Variants in ACAD9 observed in about 807,000 individuals in gnomAD.
ACAD9 encodes the protein acyl-CoA dehydrogenase family member 9.
Under a neutral mutation model 70.2 loss-of-function variants are expected in ACAD9, and 53 were observed. That is an observed-to-expected ratio of 0.75 (90% CI 0.61 to 0.95). The LOEUF is 0.95. ACAD9 is among the 40% of genes least tolerant of loss of function. The pLI is 0.00. For synonymous variants in ACAD9, 313 were observed against 312.1 expected, an observed-to-expected ratio of 1.00 and a Z score of -0.03; for missense variants, 777 against 802.8, an observed-to-expected ratio of 0.97 and a Z score of 0.39.
At chr3:128,904,036 A>G in intron 9 of ACAD9, 26 bp from the exon 10 acceptor site, 1 of 1,611,660 alleles carries the variant, frequency 6.2e-7, no homozygotes, top group Non-Finnish European at 8.5e-7. Flanking sequence ...ATTCCAGTTC[A>G]TTCTAATAAC....
chr3:128,880,135 C>A, intron 1 of ACAD9: 2 of 901,660 alleles, frequency 2.2e-6, no homozygotes, highest in Non-Finnish European at 3.2e-6. Flanking sequence ...CAGCCTTCAT[C>A]TCAGCTGGTC....
At chr3:128,880,442 G>A (rs984851194) in intron 1 of ACAD9, among the ~76,000 whole-genome samples, 3 of 152,084 alleles carry the variant, frequency 2.0e-5, no homozygotes, top group Non-Finnish European at 4.4e-5. Flanking sequence ...ACAGAGTCGC[G>A]CTCTTGTCGC....
In ACAD9 at chr3:128,899,270, C is replaced by T. The variant is rs1453987910; in HGVS notation, c.634-17C>T. 6.2e-7 allele frequency: 1 copy of T among 1,613,962 alleles called. No homozygotes were observed. The highest frequency in any genetic ancestry group is 8.5e-7 in the Non-Finnish European group (1 of 1,179,918). On this transcript the variant is annotated splice_polypyrimidine_tract_variant and intron_variant, in intron 6 of 17. Coordinates refer to ENST00000308982, the MANE Select transcript of ACAD9 (RefSeq NM_014049.5). ...TAGGGGTTTGGTTTTCTCCAAAGTC[C>T]ATCTTTCTGTCCTCAGGTCTGGATT...
intron 2 of ACAD9, among the ~76,000 whole-genome samples, chr3:128,891,658 A>G (rs1245243762): frequency 6.6e-6 from 1 of 152,204 alleles, no homozygotes; most frequent in Non-Finnish European, 1.5e-5. Context: ...TTTCATCAGA[A>G]CAGGTTTCTG....
At chr3:128,899,536 G>A in intron 7 of ACAD9, 75 bp downstream of exon 7, 1 of 1,291,056 alleles carries the variant, frequency 7.7e-7, no homozygotes, top group Non-Finnish European at 1.1e-6. Context: ...GTGTGTGTGT[G>A]TGTGTGTGTG....
At chr3:128,908,526 C>CAGCT in intron 13 of ACAD9, 1 of 587,488 alleles carries the variant, frequency 1.7e-6, no homozygotes, top group East Asian at 2.9e-5. Flanking sequence ...ACACTAGAGG[C>CAGCT]AGCTGGTTTT....
chr3:128,912,097 G>A (rs1396759982), intron 17 of ACAD9, among the ~76,000 whole-genome samples: 1 of 152,208 alleles, frequency 6.6e-6, no homozygotes, highest in Non-Finnish European at 1.5e-5. Context: ...CCAGCACTGT[G>A]GCACTTGCTG....
Position 128,904,432 on chromosome 3 carries a change from T to C in ACAD9, c.1076T>C (p.Met359Thr). The C allele has an allele frequency of 6.2e-7, 1 of 1,614,222 alleles. No homozygotes were observed. The highest frequency in any genetic ancestry group is 8.5e-7 in the Non-Finnish European group (1 of 1,180,050). ...MAQKAYVMES[M>T]TYLTAGMLDQ... The stretch of plus-strand genomic sequence containing the variant: ...CAGAAGGCTTACGTCATGGAGAGTA[T>C]GACCTACCTCACAGCAGGGATGCTG... The change falls in exon 11 of 18, where the codon ATG becomes ACG. Residue 359 changes from methionine (M) to threonine (T), a missense_variant. Coordinates refer to ENST00000308982, the MANE Select transcript of ACAD9 (RefSeq NM_014049.5).
intron 13 of ACAD9, 140 bp downstream of exon 13, chr3:128,908,404 C>T (rs1225197876): frequency 3.9e-6 from 4 of 1,031,716 alleles, no homozygotes; most frequent in Non-Finnish European, 5.9e-6. Flanking sequence ...AGGGGACCTT[C>T]CCCTGTGGTA....
chr3:128,903,733 TG>T (rs1176931868), intron 9 of ACAD9, among the ~76,000 whole-genome samples: 2 of 152,168 alleles, frequency 1.3e-5, no homozygotes, highest in Non-Finnish European at 2.9e-5. Flanking sequence ...CCCTTCCACC[TG>T]GTTGCATCTT....
chr3:128,912,859 G>T lies in ACAD9; in HGVS notation c.*252G>T, dbSNP rs1394599929. On this transcript the variant is annotated 3_prime_UTR_variant, in exon 18 of 18. Coordinates refer to ENST00000308982, the MANE Select transcript of ACAD9 (RefSeq NM_014049.5). ...GAGAGAATGGAATTGCTGACCCCTGGAACTGGCGGGTATTCTGGTCATTGA... is the reference window on the plus strand; with the variant it reads ...GAGAGAATGGAATTGCTGACCCCTGTAACTGGCGGGTATTCTGGTCATTGA... 3.1e-6 allele frequency: 2 copies of T among 646,862 alleles called. No homozygotes were observed. Among genetic ancestry groups the T allele is most frequent in the African/African-American group, 3.6e-5 (2 of 56,148 alleles). The allele number at this position is 646,862 out of a possible 1,614,324, so 40.1% of individuals were successfully genotyped here.
intron 1 of ACAD9, chr3:128,880,206 C>G (rs1935046974): frequency 2.4e-6 from 1 of 416,516 alleles, no homozygotes; most frequent in Non-Finnish European, 4.3e-6. Flanking sequence ...CATGTCCCTC[C>G]TCAGTCACCT....
At position 128,909,409 on chromosome 3, in the gene ACAD9, C is replaced by T. The variant is rs751618594; in HGVS notation, c.1551C>T (p.Leu517=). The change falls in exon 15 of 18, where the codon CTC becomes CTT. Residue 517 remains leucine, a synonymous_variant. Coordinates refer to ENST00000308982, the MANE Select transcript of ACAD9 (RefSeq NM_014049.5). The stretch of plus-strand genomic sequence containing the variant: ...GCCGGACCGTGGAGACACTGCTGCT[C>T]CGCTTTGGCAAGGTAACCAGGCCCT... ...CFGRTVETLL[L]RFGKTIMEEQ... 28 of 1,614,014 alleles carry T rather than the reference C, an allele frequency of 1.7e-5. No individual in the cohort carries two copies. Among genetic ancestry groups the T allele is most frequent in the Middle Eastern group, 1.7e-4 (1 of 6,040 alleles).
chr3:128,893,688 T>C lies in ACAD9; in HGVS notation c.346+32T>C, dbSNP rs1308067388. ...CAAGCAAACAAGCACCCAGCCAGTT[T>C]AGCTCTTAAGAAAGCACTCTGTATT... On this transcript the variant is annotated intron_variant, in intron 3 of 17. Coordinates refer to ENST00000308982, the MANE Select transcript of ACAD9 (RefSeq NM_014049.5). The C allele has an allele frequency of 1.0e-5, 16 of 1,577,682 alleles. No homozygotes were observed. In the South Asian group the frequency reaches 1.4e-4, roughly 14 times the overall value.
chr3:128,908,397 G>A (rs1576348282), intron 13 of ACAD9, 133 bp downstream of exon 13: 2 of 1,117,472 alleles, frequency 1.8e-6, no homozygotes, highest in Non-Finnish European at 2.7e-6. Flanking sequence ...CTTGTGGAGG[G>A]GACCTTCCCC....
At chr3:128,885,821 A>G (rs1935227334) in intron 2 of ACAD9, among the ~76,000 whole-genome samples, 1 of 152,258 alleles carries the variant, frequency 6.6e-6, no homozygotes, top group Admixed American at 6.5e-5. Context: ...GTTCAAGACC[A>G]GCGTAGCCAA....
intron 6 of ACAD9, among the ~76,000 whole-genome samples, chr3:128,897,998 A>G (rs773967353): frequency 1.3e-5 from 2 of 152,008 alleles, no homozygotes; most frequent in Non-Finnish European, 2.9e-5. Flanking sequence ...CTGGGATTAG[A>G]GGTGCGTGTC....
At position 128,900,268 on chromosome 3, in the gene ACAD9, C is replaced by T. The variant is rs562194086; in HGVS notation, c.808+807C>T. ...GTTTGTTTTTTTTGAGACGGAGTCT[C>T]GCTCTGTCGCCCAGGCTGGAGTGCA... On this transcript the variant is annotated intron_variant, in intron 7 of 17. Coordinates refer to ENST00000308982, the MANE Select transcript of ACAD9 (RefSeq NM_014049.5). 7.8e-4 allele frequency among the ~76,000 whole-genome samples: 118 copies of T among 152,156 alleles called. 1 individual carries two copies. The highest frequency in any genetic ancestry group is 2.8e-3 in the African/African-American group (118 of 41,524).
At chr3:128,910,170 C>G in intron 16 of ACAD9, 21 bp downstream of exon 16, 1 of 1,613,938 alleles carries the variant, frequency 6.2e-7, no homozygotes, top group South Asian at 1.1e-5. Context: ...CCCAGCCTCA[C>G]ACAGGGCCTG....
Sources: gnomAD v4.1 joint callset for allele counts (sites outside exome capture counted in the v4.1 genomes callset) on GRCh38, gnomAD v4.1.1 for gene constraint, MANE v1.5 for transcripts, NCBI Gene and HGNC (gene_info 2026-07-23, HGNC 2026-07-21) for gene names.